EYS: variants seen among roughly 807,000 people sequenced by gnomAD.
EYS encodes EGF-like photoreceptor maintenance factor.
Under a neutral mutation model 282.1 loss-of-function variants are expected in EYS, and 250 were observed. The ratio of observed to expected loss-of-function variants is 0.89; its 90% CI spans 0.80 to 0.98. EYS has a LOEUF of 0.98. EYS is among the 50% of genes least tolerant of loss of function. EYS has a pLI of 0.00. For missense variants in EYS, 4,016 were observed against 3,709.0 expected (o/e 1.08, Z -2.15); for synonymous variants, 1,355 against 1,282.9 (o/e 1.06, Z -1.20).
chr6:64,287,327 T>A (rs1368422567), intron 30 of EYS, among the ~76,000 whole-genome samples: 1 of 152,184 alleles, frequency 6.6e-6, no homozygotes, highest in Non-Finnish European at 1.5e-5. Context: ...TTCACACATA[T>A]AAAGTTTTTA....
chr6:63,738,756 A>G (rs1768996029), intron 41 of EYS, among the ~76,000 whole-genome samples: 1 of 152,170 alleles, frequency 6.6e-6, no homozygotes, highest in Non-Finnish European at 1.5e-5. Flanking sequence ...AAATACATAC[A>G]GACATATATA....
chr6:65,003,781 AT>A (rs1771545209), intron 13 of EYS, among the ~76,000 whole-genome samples: 1 of 147,694 alleles, frequency 6.8e-6, no homozygotes, highest in Non-Finnish European at 1.5e-5. Context: ...CTGAGGGATC[AT>A]GTAGAAATAT....
Position 65,118,658 on chromosome 6 carries a change from C to T in EYS, c.2024-60931G>A, listed in dbSNP as rs532508922. ...AGTTCACTAACCAGTTATGTATAGA[C>T]TGGTTATGCTACATTTAGTAGTTTG... On this transcript the variant is annotated intron_variant, in intron 12 of 42. Transcript: ENST00000503581. Among the ~76,000 whole-genome samples, 401 of 152,240 alleles carry T rather than the reference C, an allele frequency of 2.6e-3. 2 individuals are homozygous for T. The highest frequency in any genetic ancestry group is 4.4e-3 in the Non-Finnish European group (301 of 68,010).
At chr6:65,513,582 C>T (rs1183120442) in intron 2 of EYS, among the ~76,000 whole-genome samples, 9 of 150,716 alleles carry the variant, frequency 6.0e-5, no homozygotes, top group Admixed American at 2.6e-4. Flanking sequence ...CATCAAAAAG[C>T]TTATCCACCA....
In EYS at chr6:63,741,635, A is replaced by AT. The variant is rs536660408; in HGVS notation, c.8072-14956dup. On this transcript the variant is annotated intron_variant, in intron 41 of 42. Transcript: ENST00000503581. ...ATAAGTAGCTTGATTTTCCCCTGTGATTCCCCTTTGGAGATGTCTGTGAGA... is the reference window on the plus strand; with the variant it reads ...ATAAGTAGCTTGATTTTCCCCTGTGATTTCCCCTTTGGAGATGTCTGTGAGA... Among the ~76,000 whole-genome samples the AT allele has an allele frequency of 5.3e-5, 8 of 152,306 alleles. No individual in the cohort carries two copies. In the South Asian group the frequency reaches 1.7e-3, roughly 32 times the overall value.
intron 41 of EYS, among the ~76,000 whole-genome samples, chr6:63,739,620 G>C (rs1182651009): frequency 6.6e-6 from 1 of 152,098 alleles, no homozygotes; most frequent in African/African-American, 2.4e-5. Flanking sequence ...TCTGCATTAT[G>C]TACCATAACA....
rs1769312136 is a variant in EYS, at chr6:65,693,290, C to T, written c.-448+13845G>A. On this transcript the variant is annotated intron_variant, in intron 1 of 42. Transcript: ENST00000503581. ...TTATGTATTCTACAATGAATTTATG[C>T]TGCATAATTTTACAGTTCATATAGC... Among the ~76,000 whole-genome samples, 2 of 148,988 alleles carry T rather than the reference C, an allele frequency of 1.3e-5. 1 individual carries two copies. Among genetic ancestry groups the T allele is most frequent in the Admixed American group, 1.4e-4 (2 of 14,724 alleles).
rs528403776 is a variant in EYS, at chr6:64,807,929, T to C, written c.3443+5449A>G. 2.2e-3 allele frequency among the ~76,000 whole-genome samples: 335 copies of C among 152,144 alleles called. 1 individual carries two copies. Among genetic ancestry groups the C allele is most frequent in the African/African-American group, 7.5e-3 (311 of 41,552 alleles). On this transcript the variant is annotated intron_variant, in intron 22 of 42. Transcript: ENST00000503581. ...TATGTCAGTGGTTCATTCATTTTACTATCCAGAGTCACATTCCAAACAGGC... is the reference window on the plus strand; with the variant it reads ...TATGTCAGTGGTTCATTCATTTTACCATCCAGAGTCACATTCCAAACAGGC...
At chr6:64,572,477 T>C (rs1015275672) in intron 26 of EYS, among the ~76,000 whole-genome samples, 2 of 152,124 alleles carry the variant, frequency 1.3e-5, no homozygotes, top group African/African-American at 4.8e-5. Context: ...GTGTCAAATT[T>C]GCAAATCAAG....
chr6:64,220,198 A>G (rs1268740678), intron 31 of EYS, among the ~76,000 whole-genome samples: 6 of 152,162 alleles, frequency 3.9e-5, no homozygotes, highest in Admixed American at 3.9e-4. Flanking sequence ...ATAGAAATGT[A>G]TAGCAGTTTG....
intron 35 of EYS, among the ~76,000 whole-genome samples, chr6:63,911,483 C>G (rs1764248340): frequency 6.6e-6 from 1 of 152,150 alleles, no homozygotes. Flanking sequence ...ATTCAGAACT[C>G]CCACTGACAT....
At chr6:64,947,507 C>T (rs535830317) in intron 14 of EYS, among the ~76,000 whole-genome samples, 1 of 151,884 alleles carries the variant, frequency 6.6e-6, no homozygotes, top group Non-Finnish European at 1.5e-5. Context: ...TACTAGTCTC[C>T]ACTCAGAATA....
At chr6:65,038,981 C>T (rs1772850579) in intron 13 of EYS, among the ~76,000 whole-genome samples, 1 of 151,360 alleles carries the variant, frequency 6.6e-6, no homozygotes, top group African/African-American at 2.4e-5. Context: ...CATGCTTATT[C>T]ATTTTCTAAA....
intron 2 of EYS, among the ~76,000 whole-genome samples, chr6:65,584,696 A>T (rs1764983422): frequency 6.6e-6 from 1 of 151,868 alleles, no homozygotes; most frequent in Admixed American, 6.6e-5. Flanking sequence ...GCATTTATTT[A>T]TCCAGTCTTA....
rs1228431195 is a variant in EYS at position 64,638,082 on chromosome 6, C to T, written c.3444-11837G>A. On this transcript the variant is annotated intron_variant, in intron 22 of 42. Transcript: ENST00000503581. Reference sequence around the variant, plus strand: ...ACACTGAGCATTTCAGAGCAACCCACTGTCCTGAACTGACAGTTCAAAAAT... The same window carrying T: ...ACACTGAGCATTTCAGAGCAACCCATTGTCCTGAACTGACAGTTCAAAAAT... Among the ~76,000 whole-genome samples, 2 of 90,942 alleles carry T rather than the reference C, an allele frequency of 2.2e-5. 1 individual carries two copies. Among genetic ancestry groups the T allele is most frequent in the African/African-American group, 8.4e-5 (2 of 23,894 alleles). 59.7% of individuals were successfully genotyped at this position (90,942 alleles called of 152,430 possible). A position where few individuals can be genotyped will look rare whatever the true frequency, so the allele number is the denominator to read the frequency against.
At chr6:63,798,985 GTGTATATATATA>G (rs1389027844) in intron 37 of EYS, among the ~76,000 whole-genome samples, 13 of 87,570 alleles carry the variant, frequency 1.5e-4, no homozygotes, top group African/African-American at 2.7e-4. Flanking sequence ...ATGTATATGT[GTGTATATATATA>G]TATATATATA....
intron 22 of EYS, among the ~76,000 whole-genome samples, chr6:64,704,669 C>T (rs1583061302): frequency 6.6e-6 from 1 of 151,772 alleles, no homozygotes; most frequent in Middle Eastern, 3.5e-3. Context: ...CTGCAATTTC[C>T]TCCTCCTGGA....
At chr6:64,164,138 G>C (rs903068107) in intron 31 of EYS, among the ~76,000 whole-genome samples, 1 of 152,072 alleles carries the variant, frequency 6.6e-6, no homozygotes, top group Non-Finnish European at 1.5e-5. Flanking sequence ...TGATTGAAAT[G>C]AAGTCTTTCT....
At chr6:65,590,311 CAT>C (rs1765187180) in intron 2 of EYS, among the ~76,000 whole-genome samples, 1 of 152,026 alleles carries the variant, frequency 6.6e-6, no homozygotes, top group Non-Finnish European at 1.5e-5. Context: ...CTACAATACA[CAT>C]AGACATATCA....
Sources: gnomAD v4.1 joint callset for allele counts (sites outside exome capture counted in the v4.1 genomes callset) on GRCh38, gnomAD v4.1.1 for gene constraint, MANE v1.5 for transcripts, NCBI Gene and HGNC (gene_info 2026-07-23, HGNC 2026-07-21) for gene names.